Variants in GPR158 observed in about 807,000 individuals in gnomAD.
GPR158 encodes the protein metabotropic glycine receptor.
A neutral mutation model predicts 78.2 loss-of-function variants in GPR158; 30 were observed. The observed-to-expected ratio is 0.38, with a 90% confidence interval of 0.29 to 0.52. The LOEUF (loss-of-function observed/expected upper bound fraction) is 0.52. GPR158 is among the 20% of genes least tolerant of loss of function. The pLI, the probability that GPR158 is intolerant of heterozygous loss-of-function variation, is 0.83. For synonymous variants in GPR158, 581 were observed against 591.1 expected (o/e 0.98, Z 0.25); for missense variants, 1,463 against 1,523.5 (o/e 0.96, Z 0.66).
intron 2 of GPR158, among the ~76,000 whole-genome samples, chr10:25,345,640 T>G (rs1377000588): frequency 6.6e-6 from 1 of 152,004 alleles, no homozygotes; most frequent in Non-Finnish European, 1.5e-5. Flanking sequence ...TCAACTTGTT[T>G]TTTGAGGTTT....
intron 2 of GPR158, among the ~76,000 whole-genome samples, chr10:25,222,756 A>G (rs1853317596): frequency 6.6e-6 from 1 of 152,110 alleles, no homozygotes; most frequent in African/African-American, 2.4e-5. Flanking sequence ...TTTTTTCTGC[A>G]TGGGTGTCAT....
intron 2 of GPR158, among the ~76,000 whole-genome samples, chr10:25,322,359 T>C (rs111501012): frequency 0.071 from 10,637 of 149,972 alleles, 670 homozygotes; most frequent in African/African-American, 0.16. Context: ...CCAGCCTGGG[T>C]GACAGAGCGA....
intron 4 of GPR158, among the ~76,000 whole-genome samples, chr10:25,428,436 C>T (rs1834852474): frequency 6.6e-6 from 1 of 152,016 alleles, no homozygotes; most frequent in Non-Finnish European, 1.5e-5. Context: ...ACTGTCATTT[C>T]AGTGGCTAAC....
At chr10:25,477,839 C>T (rs1295319209) in intron 5 of GPR158, among the ~76,000 whole-genome samples, 1 of 152,124 alleles carries the variant, frequency 6.6e-6, no homozygotes, top group Non-Finnish European at 1.5e-5. Flanking sequence ...AATACTGGCT[C>T]ATATAGAGAG....
chr10:25,408,770 T>C (rs1479757899), intron 3 of GPR158, among the ~76,000 whole-genome samples: 2 of 152,200 alleles, frequency 1.3e-5, no homozygotes, highest in Non-Finnish European at 2.9e-5. Context: ...CTCTTGGCCT[T>C]ATCTCTTTCT....
intron 2 of GPR158, among the ~76,000 whole-genome samples, chr10:25,228,250 G>C (rs904642651): frequency 6.6e-6 from 1 of 151,934 alleles, no homozygotes; most frequent in Non-Finnish European, 1.5e-5. Context: ...ACTTCAGCCT[G>C]GGCAATAGAG....
intron 2 of GPR158, among the ~76,000 whole-genome samples, chr10:25,304,612 G>A (rs72794279): frequency 0.2 from 30,713 of 151,818 alleles, 5,243 homozygotes; most frequent in African/African-American, 0.47. Context: ...TATAGAGAGA[G>A]ATTTATGCTG....
intron 2 of GPR158, among the ~76,000 whole-genome samples, chr10:25,266,620 A>G (rs1056209459): frequency 5.9e-5 from 9 of 152,314 alleles, no homozygotes; most frequent in African/African-American, 2.2e-4. Flanking sequence ...AGCTTAAAAA[A>G]GGAAGCTGTT....
intron 2 of GPR158, among the ~76,000 whole-genome samples, chr10:25,382,080 C>A (rs953265656): frequency 6.6e-6 from 1 of 152,148 alleles, no homozygotes; most frequent in Non-Finnish European, 1.5e-5. Flanking sequence ...CATGGGGTGT[C>A]AAAGTTAGAG....
chr10:25,448,083 CTTTTT>C (rs35421884), intron 4 of GPR158, among the ~76,000 whole-genome samples: 1 of 118,142 alleles, frequency 8.5e-6, no homozygotes. Flanking sequence ...TGTCTGACTT[CTTTTT>C]TTTTTTTTTT....
intron 2 of GPR158, among the ~76,000 whole-genome samples, chr10:25,264,238 C>T (rs560636183): frequency 3.9e-4 from 60 of 152,272 alleles, no homozygotes; most frequent in African/African-American, 1.4e-3. Context: ...TGATGCTGCA[C>T]ATCTCCCAAG....
At chr10:25,462,852 C>A (rs1430355104) in intron 4 of GPR158, among the ~76,000 whole-genome samples, 1 of 152,116 alleles carries the variant, frequency 6.6e-6, no homozygotes, top group Admixed American at 6.5e-5. Flanking sequence ...CAGACGGAAT[C>A]CACTCCTGGT....
At chr10:25,502,537 C>T (rs1160942114) in intron 5 of GPR158, among the ~76,000 whole-genome samples, 1 of 152,126 alleles carries the variant, frequency 6.6e-6, no homozygotes, top group Non-Finnish European at 1.5e-5. Context: ...AATAATCTGG[C>T]TTAGTTTCCA....
intron 2 of GPR158, among the ~76,000 whole-genome samples, chr10:25,395,188 G>T (rs1437956773): frequency 6.6e-6 from 1 of 152,088 alleles, no homozygotes; most frequent in Non-Finnish European, 1.5e-5. Context: ...TTATATCCTT[G>T]ACCCTTGAAA....
intron 6 of GPR158, among the ~76,000 whole-genome samples, chr10:25,551,496 T>C (rs1441262236): frequency 6.6e-6 from 1 of 152,206 alleles, no homozygotes; most frequent in East Asian, 1.9e-4. Context: ...CCAAGTTCCA[T>C]ACCCCAAGGT....
At chr10:25,203,162 C>G (rs1852960836) in intron 1 of GPR158, among the ~76,000 whole-genome samples, 1 of 152,138 alleles carries the variant, frequency 6.6e-6, no homozygotes, top group Non-Finnish European at 1.5e-5. Flanking sequence ...AGCCCTTTGT[C>G]AGATGGGTAG....
chr10:25,525,927 T>G (rs1291204464), intron 5 of GPR158, among the ~76,000 whole-genome samples: 1 of 151,844 alleles, frequency 6.6e-6, no homozygotes, highest in Non-Finnish European at 1.5e-5. Context: ...GCCAACATGA[T>G]GAAACCCCAT....
intron 2 of GPR158, among the ~76,000 whole-genome samples, chr10:25,337,694 C>G (rs529197705): frequency 6.6e-6 from 1 of 151,690 alleles, no homozygotes; most frequent in African/African-American, 2.4e-5. Context: ...GCAAATACTA[C>G]TTTTTAGTAG....
chr10:25,435,111 T>G (rs1415189518), intron 4 of GPR158, among the ~76,000 whole-genome samples: 1 of 152,204 alleles, frequency 6.6e-6, no homozygotes, highest in East Asian at 1.9e-4. Context: ...AATAGGTTTG[T>G]AAGTCATTCA....
Sources: gnomAD v4.1 joint callset for allele counts (sites outside exome capture counted in the v4.1 genomes callset) on GRCh38, gnomAD v4.1.1 for gene constraint, MANE v1.5 for transcripts, NCBI Gene and HGNC (gene_info 2026-07-23, HGNC 2026-07-21) for gene names.